The following POLB variants were observed in gnomAD, a reference collection of about 807,000 sequenced individuals.
POLB encodes the protein 5'-dRP lyase.
POLB carries 37 observed loss-of-function variants against 52.7 expected under a neutral mutation model. That is an observed-to-expected ratio of 0.70 (90% confidence interval 0.54 to 0.92). The LOEUF is 0.92. Among genes scored for constraint, POLB ranks in the 40% least tolerant of loss-of-function variants. The pLI is 0.00. For missense variants in POLB, 313 were observed against 400.8 expected (o/e 0.78, Z 1.87); for synonymous variants, 138 against 131.3 (o/e 1.05, Z -0.35).
At chr8:42,367,326 A>C (rs1032604142) in intron 11 of POLB, among the ~76,000 whole-genome samples, 2 of 152,102 alleles carry the variant, frequency 1.3e-5, no homozygotes, top group Non-Finnish European at 2.9e-5. Flanking sequence ...GGGAGAGGAG[A>C]GTGCAGGAGG....
chr8:42,344,411 G>T (rs534343905), intron 2 of POLB, among the ~76,000 whole-genome samples: 62 of 151,826 alleles, frequency 4.1e-4, no homozygotes, highest in African/African-American at 1.4e-3. Flanking sequence ...GGAGGTTGTG[G>T]TGAGCCGAGA....
intron 11 of POLB, 173 bp from the exon 12 acceptor site, chr8:42,369,098 G>A (rs3136795): frequency 0.043 from 19,743 of 455,164 alleles, 592 homozygotes; most frequent in African/African-American, 0.1. Flanking sequence ...TTATCGTGAA[G>A]TGTAATAGAA....
chr8:42,369,768 C>A, intron 12 of POLB, 81 bp from the exon 13 acceptor site: 1 of 869,768 alleles, frequency 1.1e-6, no homozygotes, highest in Non-Finnish European at 1.8e-6. Flanking sequence ...GTATTTTGTT[C>A]CTTATTGATT....
At position 42,344,962 on chromosome 8, in the gene POLB, A is replaced by G. The variant is rs143763357; in HGVS notation, c.129A>G (p.Ala43=). The part of the protein sequence containing the change: ...IHKYNAYRKA[A]SVIAKYPHKI... The stretch of plus-strand genomic sequence containing the variant: ...TCTTCTTTCCTTATAGAAAAGCAGC[A>G]TCTGTTATAGCAAAATACCCACACA... Residue 43 remains alanine (A), a synonymous_variant, in exon 3 of 14, where the codon GCA becomes GCG. Coordinates refer to ENST00000265421, the MANE Select transcript of POLB (RefSeq NM_002690.3). The G allele has an allele frequency of 8.8e-5, 141 of 1,600,408 alleles. No homozygotes were observed. The African/African-American group carries it at 1.6e-3, about 18-fold the overall frequency.
Position 42,362,258 on chromosome 8 carries a change from A to AAAAATAAAAT in POLB, c.622-322_622-313dup, listed in dbSNP as rs200006937. Among the ~76,000 whole-genome samples, 929 of 93,276 alleles carry AAAAATAAAAT rather than the reference A, an allele frequency of 1.0e-2. 20 individuals are homozygous for AAAAATAAAAT. The highest frequency in any genetic ancestry group is 0.047 in the Admixed American group (535 of 11,400). The allele number at this position is 93,276 out of a possible 152,430, so 61.2% of individuals were successfully genotyped here. On this transcript the variant is annotated intron_variant, in intron 10 of 13. Coordinates refer to ENST00000265421, the MANE Select transcript of POLB (RefSeq NM_002690.3). ...CTGGCAACAGAACGAGACTCCATCT[A>AAAAATAAAAT]AAAATAAAATAAAATAAAATAAAAT...
intron 10 of POLB, among the ~76,000 whole-genome samples, chr8:42,361,979 A>G (rs1823722018): frequency 6.6e-6 from 1 of 152,136 alleles, no homozygotes; most frequent in African/African-American, 2.4e-5. Flanking sequence ...AAACATAGAG[A>G]TGGCCGGGCA....
intron 11 of POLB, among the ~76,000 whole-genome samples, chr8:42,363,642 T>C (rs17684875): frequency 0.012 from 1,766 of 149,610 alleles, 30 homozygotes; most frequent in South Asian, 0.033. Flanking sequence ...AAATAGCAAA[T>C]GGTTCTCATC....
intron 2 of POLB, among the ~76,000 whole-genome samples, chr8:42,342,811 A>G (rs1203317642): frequency 6.6e-6 from 1 of 152,152 alleles, no homozygotes; most frequent in East Asian, 1.9e-4. Context: ...CCTGGGCAAC[A>G]TAGCAACATC....
chr8:42,341,488 AG>A (rs1029785083), intron 2 of POLB, among the ~76,000 whole-genome samples: 3 of 152,354 alleles, frequency 2.0e-5, no homozygotes, highest in African/African-American at 7.2e-5. Flanking sequence ...AAGGTTCCAA[AG>A]ACTATCCAGT....
intron 11 of POLB, among the ~76,000 whole-genome samples, chr8:42,363,410 C>T (rs546704811): frequency 3.0e-4 from 46 of 151,406 alleles, no homozygotes; most frequent in South Asian, 6.3e-4. Flanking sequence ...CGCCTGTAGT[C>T]CCAGCTTTTC....
intron 2 of POLB, chr8:42,342,509 T>C: frequency 1.1e-6 from 1 of 942,310 alleles, no homozygotes; most frequent in Non-Finnish European, 1.7e-6. Context: ...GTGTTGTATT[T>C]ATTTTTATCC....
chr8:42,355,039 T>G (rs1823216020), intron 6 of POLB, among the ~76,000 whole-genome samples: 1 of 152,022 alleles, frequency 6.6e-6, no homozygotes, highest in African/African-American at 2.4e-5. Flanking sequence ...TTTTTTTTTG[T>G]TGTCGTTGTT....
chr8:42,339,171 C>T, intron 2 of POLB, 102 bp downstream of exon 2: 1 of 913,622 alleles, frequency 1.1e-6, no homozygotes, highest in East Asian at 2.4e-5. Context: ...GGTCCATCTG[C>T]AAGAGCGGGA....
chr8:42,344,598 G>A (rs1822489905), intron 2 of POLB, among the ~76,000 whole-genome samples: 1 of 152,002 alleles, frequency 6.6e-6, no homozygotes, highest in Non-Finnish European at 1.5e-5. Flanking sequence ...ACTTTGGGAG[G>A]CCAAGGCAGG....
intron 11 of POLB, among the ~76,000 whole-genome samples, chr8:42,363,232 G>A (rs192132023): frequency 5.9e-5 from 9 of 151,594 alleles, no homozygotes; most frequent in Admixed American, 5.3e-4. Flanking sequence ...TAAATAACAC[G>A]TGTCATCAGA....
intron 7 of POLB, 125 bp downstream of exon 7, chr8:42,355,692 G>A (rs917429831): frequency 3.2e-6 from 2 of 618,914 alleles, no homozygotes; most frequent in Middle Eastern, 4.4e-4. Flanking sequence ...ATTCAGAAGT[G>A]CTAAGATTTG....
intron 2 of POLB, chr8:42,342,204 A>G (rs1402881347): frequency 6.4e-7 from 1 of 1,551,372 alleles, no homozygotes; most frequent in East Asian, 2.2e-5. Flanking sequence ...GCATCCAAAT[A>G]GCAGGTGAAA....
intron 10 of POLB, 47 bp downstream of exon 10, chr8:42,361,412 G>A (rs763380702): frequency 8.0e-7 from 1 of 1,252,296 alleles, no homozygotes; most frequent in Non-Finnish European, 1.2e-6. Flanking sequence ...ACACAACAGT[G>A]AATTTCACTT....
At chr8:42,355,391 G>A (rs1823244864) in intron 6 of POLB, 125 bp from the exon 7 acceptor site, 5 of 639,558 alleles carry the variant, frequency 7.8e-6, no homozygotes, top group Admixed American at 2.4e-5. Flanking sequence ...GTCTCATTGT[G>A]TTTTCAGTCA....
Sources: allele counts gnomAD v4.1 joint callset (sites outside exome capture counted in the v4.1 genomes callset), GRCh38; gene constraint gnomAD v4.1.1; transcripts MANE v1.5; gene names NCBI Gene and HGNC (gene_info 2026-07-23, HGNC 2026-07-21).